The following CSF3R variants were observed in gnomAD, a reference collection of about 807,000 sequenced individuals.
CSF3R encodes the protein colony stimulating factor 3 receptor.
CSF3R carries 52 observed loss-of-function variants against 84.4 expected under a neutral mutation model. The ratio of observed to expected loss-of-function variants is 0.62; its 90% confidence interval spans 0.49 to 0.78. The LOEUF (loss-of-function observed/expected upper bound fraction) is 0.78, where lower values mean the gene tolerates loss of function less well. Ranked by LOEUF, CSF3R falls within the 30% of genes least tolerant of loss-of-function variation. The pLI is 0.00. For missense variants in CSF3R, 890 were observed against 1,055.7 expected, an observed-to-expected ratio of 0.84 and a Z score of 2.17; for synonymous variants, 384 against 429.1, an observed-to-expected ratio of 0.89 and a Z score of 1.30.
At chr1:36,469,096 A>C (rs1650533058) in intron 12 of CSF3R, 60 bp downstream of exon 12, 2 of 1,250,020 alleles carry the variant, frequency 1.6e-6, no homozygotes, top group Admixed American at 3.5e-5. Context: ...GCTGGGGACC[A>C]GGCAGAGCCT....
chr1:36,480,466 G>C (rs1651452645), intron 2 of CSF3R, among the ~76,000 whole-genome samples: 1 of 152,232 alleles, frequency 6.6e-6, no homozygotes, highest in African/African-American at 2.4e-5. Flanking sequence ...GGGTGCCTTG[G>C]CTCCAGTCTT....
At position 36,472,191 on chromosome 1, in the gene CSF3R, T is replaced by C. The variant is rs373405452; in HGVS notation, c.997+47A>G. 2.7e-5 allele frequency: 44 copies of C among 1,613,902 alleles called. No individual in the cohort carries two copies. The highest frequency in any genetic ancestry group is 3.6e-5 in the Non-Finnish European group (42 of 1,179,946). ...GCCAGTTGGGGAGGGGCCTGGGGCC[T>C]GGACTGGATACTGTTGGCTGCTCCC... On this transcript the variant is annotated intron_variant, in intron 8 of 16. Transcript: ENST00000373106. The surrounding 1 kb of genome is among the most constrained non-coding windows in gnomAD (Gnocchi z 5.0).
At position 36,467,406 on chromosome 1, in the gene CSF3R, C is replaced by T; in HGVS notation, c.1959-95G>A. ...CCCCACCTGAAGAGGTGCAGCTGCC[C>T]TTAGTGCAGAGAGAAGAAGCTGGGG... On this transcript the variant is annotated intron_variant, in intron 15 of 16. Coordinates refer to ENST00000373106, the MANE Select transcript of CSF3R (RefSeq NM_000760.4). The surrounding 1 kb of genome is among the most constrained non-coding windows in gnomAD (Gnocchi z 4.1). 2 of 1,439,910 alleles carry T rather than the reference C, an allele frequency of 1.4e-6. No homozygotes were observed. The highest frequency in any genetic ancestry group is 2.3e-5 in the East Asian group (1 of 44,060). 89.2% of individuals were successfully genotyped at this position (1,439,910 alleles called of 1,614,324 possible).
chr1:36,469,585 C>T (rs1454451722), intron 11 of CSF3R, 67 bp downstream of exon 11: 30 of 1,577,988 alleles, frequency 1.9e-5, no homozygotes, highest in Non-Finnish European at 2.4e-5. Flanking sequence ...TTGTCCCATG[C>T]CTATTGTCAG....
chr1:36,474,079 G>A (rs911131188), intron 4 of CSF3R, among the ~76,000 whole-genome samples, 192 bp from the exon 5 acceptor site: 2 of 152,202 alleles, frequency 1.3e-5, no homozygotes, highest in Non-Finnish European at 2.9e-5. Flanking sequence ...CATGCACCGG[G>A]GCAAGCATCA....
intron 1 of CSF3R, among the ~76,000 whole-genome samples, chr1:36,482,529 C>T (rs978545716): frequency 1.3e-5 from 2 of 152,066 alleles, no homozygotes; most frequent in Non-Finnish European, 2.9e-5. Flanking sequence ...GAGACAGAGG[C>T]ATGGGGAGGG....
Position 36,467,127 on chromosome 1 carries a change from G to C in CSF3R, c.2040+103C>G. The C allele has an allele frequency of 7.3e-7, 1 of 1,365,368 alleles. No homozygotes were observed. Among genetic ancestry groups the C allele is most frequent in the Non-Finnish European group, 1.0e-6 (1 of 957,684 alleles). 84.6% of individuals were successfully genotyped at this position (1,365,368 alleles called of 1,614,324 possible). On this transcript the variant is annotated intron_variant, in intron 16 of 16. Transcript: ENST00000373106. This position sits in a 1 kb window ranked among gnomAD's most constrained non-coding sequence, Gnocchi z 4.1. ...CAGTCCAAAGGGACGAGATGTTGCC[G>C]GAAGTGACAGGAAGGCCTGAGTACT... is the stretch of plus-strand genomic sequence containing the variant.
At position 36,472,433 on chromosome 1, in the gene CSF3R, G is replaced by A; in HGVS notation, c.844-42C>T. 1 of 1,613,768 alleles carries A rather than the reference G, an allele frequency of 6.2e-7. No individual in the cohort carries two copies. Among genetic ancestry groups the A allele is most frequent in the East Asian group, 2.2e-5 (1 of 44,878 alleles). ...AGGACTCTGAGCCTTGGATCGCTGG[G>A]CCATTCTAGGGCCAGCTCGAGCCCG... On this transcript the variant is annotated intron_variant, in intron 7 of 16. Transcript: ENST00000373106. The surrounding 1 kb of genome is among the most constrained non-coding windows in gnomAD (Gnocchi z 5.0).
At position 36,475,601 on chromosome 1, in the gene CSF3R, C is replaced by A. The variant is rs1370699677; in HGVS notation, c.137G>T (p.Cys46Phe). The change falls in exon 4 of 17, where the codon TGC becomes TTC. Residue 46 changes from cysteine (C) to phenylalanine (F), a missense_variant. Transcript: ENST00000373106. ...VHLGDPITAS[C>F]IIKQNCSHLD... is the part of the protein sequence containing the mutation. ...ATGGCTGCAGTTCTGCTTGATGATG[C>A]AGGAGGCTGTGATGGGATCCCCCAG... is the stretch of plus-strand genomic sequence containing the variant. 1 of 1,609,632 alleles carries A rather than the reference C, an allele frequency of 6.2e-7. No homozygotes were observed. Among genetic ancestry groups the A allele is most frequent in the Middle Eastern group, 1.7e-4 (1 of 5,960 alleles).
chr1:36,467,395 G>A lies in CSF3R; in HGVS notation c.1959-84C>T, dbSNP rs910733061. 4.8e-6 allele frequency: 7 copies of A among 1,472,186 alleles called. No homozygotes were observed. The highest frequency in any genetic ancestry group is 2.8e-5 in the African/African-American group (2 of 71,954). The allele number at this position is 1,472,186 out of a possible 1,614,324, so 91.2% of individuals were successfully genotyped here. A position where few individuals can be genotyped will look rare whatever the true frequency, so the allele number is the denominator to read the frequency against. The stretch of plus-strand genomic sequence containing the variant: ...TGTCCCACCCACCCCACCTGAAGAG[G>A]TGCAGCTGCCCTTAGTGCAGAGAGA... On this transcript the variant is annotated intron_variant, in intron 15 of 16. Coordinates refer to ENST00000373106, the MANE Select transcript of CSF3R (RefSeq NM_000760.4). This position sits in a 1 kb window ranked among gnomAD's most constrained non-coding sequence, Gnocchi z 4.1.
At position 36,468,104 on chromosome 1, in the gene CSF3R, A is replaced by G; in HGVS notation, c.1694T>C (p.Phe565Ser). 6.2e-7 allele frequency: 1 copy of G among 1,614,212 alleles called. No homozygotes were observed. The highest frequency in any genetic ancestry group is 2.2e-5 in the East Asian group (1 of 44,876). The change falls in exon 13 of 17, where the codon TTC becomes TCC. Residue 565 changes from phenylalanine (F) to serine (S), a missense_variant. By Grantham distance (155) the Phe-to-Ser change is radical. Transcript: ENST00000373106. The stretch of plus-strand genomic sequence containing the variant: ...GGACTGGTTCTGAGCGTTGGTCCAG[A>G]AGATGGTGTAGTGGGTAAGGGGGCT... ...GKSPLTHYTI[F>S]WTNAQNQSFS...
chr1:36,469,537 G>A, intron 11 of CSF3R, 115 bp downstream of exon 11: 1 of 1,273,500 alleles, frequency 7.9e-7, no homozygotes, highest in Non-Finnish European at 1.1e-6. Flanking sequence ...GAAGGATCAA[G>A]AAAGGCTGGA....
Position 36,467,324 on chromosome 1 carries a change from G to T in CSF3R, c.1959-13C>A, listed in dbSNP as rs770349582. The stretch of plus-strand genomic sequence containing the variant: ...GGGATTCTTCCTGCTGGAGAAGGGG[G>T]CAGGTGGAGGCTGAGTCAGACACAC... On this transcript the variant is annotated splice_polypyrimidine_tract_variant and intron_variant, in intron 15 of 16. Transcript: ENST00000373106. This position sits in a 1 kb window ranked among gnomAD's most constrained non-coding sequence, Gnocchi z 4.1. 2.0e-5 allele frequency: 33 copies of T among 1,613,446 alleles called. No individual in the cohort carries two copies. The South Asian group carries it at 3.1e-4, about 15-fold the overall frequency.
intron 10 of CSF3R, among the ~76,000 whole-genome samples, chr1:36,470,254 G>A (rs1039960898): frequency 2.0e-5 from 3 of 151,990 alleles, no homozygotes; most frequent in Non-Finnish European, 4.4e-5. Context: ...GCGCCATCTC[G>A]GCTCATTGCA....
In CSF3R at chr1:36,472,515, A is replaced by T; in HGVS notation, c.843+2T>A. 1 of 1,614,072 alleles carries T rather than the reference A, an allele frequency of 6.2e-7. No homozygotes were observed. The highest frequency in any genetic ancestry group is 8.5e-7 in the Non-Finnish European group (1 of 1,180,006). ...GGCTCTCCAGGTTGCCCTCTGCCTCACCAGTGCCCAGCTGGCTTCTCCACG... is the reference window on the plus strand; with the variant it reads ...GGCTCTCCAGGTTGCCCTCTGCCTCTCCAGTGCCCAGCTGGCTTCTCCACG... On this transcript the variant is annotated splice_donor_variant, in intron 7 of 16. Coordinates refer to ENST00000373106, the MANE Select transcript of CSF3R (RefSeq NM_000760.4). LOFTEE classifies it high-confidence loss of function. This position sits in a 1 kb window ranked among gnomAD's most constrained non-coding sequence, Gnocchi z 5.0.
In CSF3R at chr1:36,466,251, G is replaced by C. The variant is rs372314097; in HGVS notation, c.*106C>G. 1 of 1,613,714 alleles carries C rather than the reference G, an allele frequency of 6.2e-7. No individual in the cohort carries two copies. The highest frequency in any genetic ancestry group is 8.5e-7 in the Non-Finnish European group (1 of 1,179,804). Reference sequence around the variant, plus strand: ...ATGCTGGTGACTGGAGATGGTGAGAGCCTGGGCTGGGGTAGTTTTTAGTCA... The same window carrying C: ...ATGCTGGTGACTGGAGATGGTGAGACCCTGGGCTGGGGTAGTTTTTAGTCA... On this transcript the variant is annotated 3_prime_UTR_variant, in exon 17 of 17. Transcript: ENST00000373106. This position sits in a 1 kb window ranked among gnomAD's most constrained non-coding sequence, Gnocchi z 4.6.
At position 36,471,658 on chromosome 1, in the gene CSF3R, A is replaced by G; in HGVS notation, c.1072-12T>C. On this transcript the variant is annotated splice_polypyrimidine_tract_variant and intron_variant, in intron 9 of 16. Transcript: ENST00000373106. ...TCCAGGGGCACTGGCTGTGGGGCAC[A>G]GGAGGAAAAAGAGAAGGGGATGTGC... 6.2e-7 allele frequency: 1 copy of G among 1,613,668 alleles called. No individual in the cohort carries two copies. The highest frequency in any genetic ancestry group is 1.3e-5 in the African/African-American group (1 of 75,060).
chr1:36,475,781 C>A (rs1390353195), intron 3 of CSF3R, 108 bp from the exon 4 acceptor site: 1 of 1,131,358 alleles, frequency 8.8e-7, no homozygotes, highest in Non-Finnish European at 1.2e-6. Context: ...TCCTGTCTCA[C>A]CCTTCAAGAT....
At chr1:36,468,262 C>T (rs749492534) in intron 12 of CSF3R, 41 bp from the exon 13 acceptor site, 1 of 1,532,000 alleles carries the variant, frequency 6.5e-7, no homozygotes, top group South Asian at 1.3e-5. Context: ...GGGAGTGGGG[C>T]AGAGCAAGAG....
Sources: gnomAD v4.1 joint callset for allele counts (sites outside exome capture counted in the v4.1 genomes callset) on GRCh38, gnomAD v4.1.1 for gene constraint, Gnocchi (gnomAD v3.1) non-coding constraint, MANE v1.5 for transcripts, NCBI Gene and HGNC (gene_info 2026-07-23, HGNC 2026-07-21) for gene names.